Variants in SMG6 observed in about 807,000 individuals in gnomAD.
The protein encoded by SMG6 is SMG6 nonsense mediated mRNA decay factor.
SMG6 carries 66 observed loss-of-function variants against 142.2 expected under a neutral mutation model. The ratio of observed to expected loss-of-function variants is 0.46; its 90% CI spans 0.38 to 0.57. The LOEUF (loss-of-function observed/expected upper bound fraction) is 0.57, where lower values mean the gene tolerates loss of function less well. Among genes scored for constraint, SMG6 ranks in the 20% least tolerant of loss-of-function variants. The pLI, the probability that SMG6 is intolerant of heterozygous loss-of-function variation, is 0.00. For missense variants in SMG6, 1,793 were observed against 1,832.0 expected, an observed-to-expected ratio of 0.98 and a Z score of 0.39; for synonymous variants, 779 against 702.4, an observed-to-expected ratio of 1.11 and a Z score of -1.72.
chr17:2,292,164 G>A (rs1233928903), intron 6 of SMG6, among the ~76,000 whole-genome samples: 2 of 152,236 alleles, frequency 1.3e-5, no homozygotes, highest in Non-Finnish European at 2.9e-5. Context: ...ACTACTTAGA[G>A]GTAGGTGAAA....
intron 10 of SMG6, among the ~76,000 whole-genome samples, chr17:2,197,951 T>C (rs911505641): frequency 2.0e-5 from 3 of 152,206 alleles, no homozygotes; most frequent in Admixed American, 6.5e-5. Flanking sequence ...AATGCACTTA[T>C]GATATGATCC....
At chr17:2,227,079 CA>C (rs1422770531) in intron 10 of SMG6, among the ~76,000 whole-genome samples, 1 of 152,048 alleles carries the variant, frequency 6.6e-6, no homozygotes, top group Non-Finnish European at 1.5e-5. Context: ...ATGACAATAC[CA>C]AATGCTGACA....
At chr17:2,104,258 G>A in intron 13 of SMG6, among the ~76,000 whole-genome samples, 1 of 151,884 alleles carries the variant, frequency 6.6e-6, no homozygotes. Context: ...GCCACACCTG[G>A]CTAATTTTTG....
intron 10 of SMG6, chr17:2,232,617 T>C (rs1307748983): frequency 6.6e-6 from 1 of 152,182 alleles, no homozygotes; most frequent in African/African-American, 2.4e-5. Context: ...TATCCCCAAC[T>C]ACCTGAGTGT....
At chr17:2,276,435 A>C (rs1319386205) in intron 8 of SMG6, among the ~76,000 whole-genome samples, 2 of 152,048 alleles carry the variant, frequency 1.3e-5, no homozygotes, top group Admixed American at 6.6e-5. Flanking sequence ...CCCAGGCTGG[A>C]GTGCAATGGT....
At chr17:2,190,293 G>C (rs2072119898) in intron 10 of SMG6, among the ~76,000 whole-genome samples, 1 of 152,154 alleles carries the variant, frequency 6.6e-6, no homozygotes, top group Non-Finnish European at 1.5e-5. Context: ...CCACATCCTG[G>C]TAGCTGATAC....
intron 11 of SMG6, 88 bp from the exon 12 acceptor site, chr17:2,186,919 G>C: frequency 7.0e-7 from 1 of 1,431,950 alleles, no homozygotes; most frequent in Non-Finnish European, 9.5e-7. Context: ...CAAGCTCTTA[G>C]GGAAGGGAGA....
chr17:2,167,655 C>A (rs749956831), intron 13 of SMG6, among the ~76,000 whole-genome samples: 1 of 152,162 alleles, frequency 6.6e-6, no homozygotes, highest in Non-Finnish European at 1.5e-5. Context: ...TAGGAAGATA[C>A]CTGCCTTATG....
Position 2,297,855 on chromosome 17 carries a change from C to T in SMG6, c.2040+8G>A. The stretch of plus-strand genomic sequence containing the variant: ...CTTTATCCTGAGGACAAAAAGATGA[C>T]AGTTTACCTCATCCAAGAGCTCCAA... On this transcript the variant is annotated splice_region_variant and intron_variant, in intron 3 of 18. Coordinates refer to ENST00000263073, the MANE Select transcript of SMG6 (RefSeq NM_017575.5). 1 of 1,607,270 alleles carries T rather than the reference C, an allele frequency of 6.2e-7. No homozygotes were observed. Among genetic ancestry groups the T allele is most frequent in the Non-Finnish European group, 8.5e-7 (1 of 1,179,710 alleles).
intron 8 of SMG6, among the ~76,000 whole-genome samples, chr17:2,252,398 C>CAAA (rs11378012): frequency 1.4e-5 from 2 of 146,868 alleles, no homozygotes; most frequent in Non-Finnish European, 3.0e-5. Context: ...GACTCCAACT[C>CAAA]AAAAAAAATA....
intron 9 of SMG6, among the ~76,000 whole-genome samples, chr17:2,241,270 A>T (rs1231591682): frequency 6.6e-6 from 1 of 152,210 alleles, no homozygotes; most frequent in African/African-American, 2.4e-5. Flanking sequence ...GACAAATGAG[A>T]TATCTATTCA....
intron 13 of SMG6, among the ~76,000 whole-genome samples, chr17:2,142,613 G>A (rs1282686108): frequency 6.6e-6 from 1 of 152,104 alleles, no homozygotes. Context: ...GCCGGGCACA[G>A]TGGCTCACGC....
Position 2,226,206 on chromosome 17 carries a change from C to CAA in SMG6, c.2869+10285_2869+10286insTT, listed in dbSNP as rs2073312169. Among the ~76,000 whole-genome samples the CAA allele has an allele frequency of 2.7e-5, 4 of 149,238 alleles. No homozygotes were observed. In the Admixed American group the frequency reaches 2.7e-4, roughly 10 times the overall value. On this transcript the variant is annotated intron_variant, in intron 10 of 18. Transcript: ENST00000263073. The stretch of plus-strand genomic sequence containing the variant: ...AGAAGAATTGCTTGAACTAGAGAGA[C>CAA]AGAGGTTGCAGTGAGCCAAGATCAT...
chr17:2,090,192 A>C (rs910977300), intron 13 of SMG6, among the ~76,000 whole-genome samples: 34 of 151,346 alleles, frequency 2.2e-4, no homozygotes, highest in African/African-American at 7.0e-4. Flanking sequence ...CAAAAAAAAA[A>C]AAAAAAAAAA....
intron 13 of SMG6, among the ~76,000 whole-genome samples, chr17:2,122,672 T>C (rs768968769): frequency 1.3e-5 from 2 of 152,198 alleles, no homozygotes; most frequent in Non-Finnish European, 2.9e-5. Flanking sequence ...GCGAGCCACT[T>C]AGCCTCTCCA....
chr17:2,238,029 G>C (rs952667427), intron 9 of SMG6, among the ~76,000 whole-genome samples: 1 of 152,208 alleles, frequency 6.6e-6, no homozygotes, highest in Non-Finnish European at 1.5e-5. Context: ...TCAAAAGATA[G>C]AAAGCAGTTT....
At chr17:2,137,468 G>A (rs1218712521) in intron 13 of SMG6, among the ~76,000 whole-genome samples, 1 of 151,978 alleles carries the variant, frequency 6.6e-6, no homozygotes, top group Non-Finnish European at 1.5e-5. Context: ...GAAATGGTGT[G>A]ACAGTACTCG....
intron 13 of SMG6, among the ~76,000 whole-genome samples, chr17:2,139,653 G>C (rs745413297): frequency 6.6e-6 from 1 of 151,610 alleles, no homozygotes; most frequent in African/African-American, 2.4e-5. Flanking sequence ...ACTCCTGACC[G>C]CAAGTGATCT....
intron 13 of SMG6, among the ~76,000 whole-genome samples, chr17:2,167,203 T>A (rs2071370044): frequency 2.3e-5 from 3 of 133,050 alleles, no homozygotes; most frequent in African/African-American, 8.7e-5. Flanking sequence ...ATAAAGGTTA[T>A]AAGATATAAT....
Sources: allele counts gnomAD v4.1 joint callset (sites outside exome capture counted in the v4.1 genomes callset), GRCh38; gene constraint gnomAD v4.1.1; transcripts MANE v1.5; gene names NCBI Gene and HGNC (gene_info 2026-07-23, HGNC 2026-07-21).